Variants in NLGN1 observed in about 807,000 individuals in gnomAD.
The protein encoded by NLGN1 is neuroligin-1.
Under a neutral mutation model 65.5 loss-of-function variants are expected in NLGN1, and 12 were observed. The observed-to-expected ratio is 0.18, with a 90% CI of 0.12 to 0.30. The LOEUF (loss-of-function observed/expected upper bound fraction) is 0.30. NLGN1 is among the 10% of genes least tolerant of loss of function. The pLI is 1.00. For synonymous variants in NLGN1, 350 were observed against 359.5 expected (o/e 0.97, Z 0.30); for missense variants, 750 against 1,007.1 (o/e 0.74, Z 3.46).
intron 3 of NLGN1, chr3:173,800,342 T>G (rs1309878552): frequency 8.2e-7 from 1 of 1,212,780 alleles, no homozygotes; most frequent in Non-Finnish European, 1.1e-6. Context: ...ATGACGGTGC[T>G]GAAGATGAAG....
At chr3:173,776,813 A>G (rs750914915) in intron 3 of NLGN1, among the ~76,000 whole-genome samples, 4 of 151,986 alleles carry the variant, frequency 2.6e-5, no homozygotes, top group Non-Finnish European at 5.9e-5. Context: ...CTGACTAAAA[A>G]ATAATCCTTA....
intron 4 of NLGN1, among the ~76,000 whole-genome samples, chr3:174,091,055 C>T (rs1314197285): frequency 6.6e-6 from 1 of 152,138 alleles, no homozygotes; most frequent in African/African-American, 2.4e-5. Flanking sequence ...AGCCAGGAGG[C>T]AGGATTTCTC....
At chr3:173,787,499 A>G (rs1357503729) in intron 3 of NLGN1, among the ~76,000 whole-genome samples, 3 of 152,220 alleles carry the variant, frequency 2.0e-5, no homozygotes, top group Non-Finnish European at 2.9e-5. Context: ...AGTTAATATT[A>G]GTATTAAATA....
intron 3 of NLGN1, chr3:173,695,632 C>G (rs1766102456): frequency 7.7e-6 from 2 of 258,544 alleles, no homozygotes; most frequent in Admixed American, 4.7e-5. Context: ...ACATCTTATA[C>G]TTTAAAAATC....
rs559261660 is a variant in NLGN1, at chr3:173,777,911, G to A, written c.494-29769G>A. 1.3e-4 allele frequency among the ~76,000 whole-genome samples: 20 copies of A among 151,850 alleles called. No homozygotes were observed. In the South Asian group the frequency reaches 3.9e-3, roughly 30 times the overall value. The stretch of plus-strand genomic sequence containing the variant: ...TCTATTCCATTCATTAAAAAATCTA[G>A]CATGTTTATAACTGATAATGATAAT... On this transcript the variant is annotated intron_variant, in intron 3 of 6. Transcript: ENST00000457714.
intron 2 of NLGN1, among the ~76,000 whole-genome samples, chr3:173,500,448 G>T (rs1730878353): frequency 6.6e-6 from 1 of 152,106 alleles, no homozygotes; most frequent in Non-Finnish European, 1.5e-5. Flanking sequence ...GCTGGATTCG[G>T]TTTGCCAGTC....
chr3:174,152,142 T>C (rs1219376187), intron 4 of NLGN1, among the ~76,000 whole-genome samples: 1 of 136,928 alleles, frequency 7.3e-6, no homozygotes, highest in African/African-American at 3.1e-5. Flanking sequence ...ATAAAAATCA[T>C]TAACTAAAAC....
exon 7 of NLGN1, chr3:174,284,446 TAAA>T (rs1448468371): frequency 6.6e-6 from 1 of 151,444 alleles, no homozygotes; most frequent in Non-Finnish European, 1.5e-5. Context: ...GTAACAAAAT[TAAA>T]ATAATATTTT....
intron 3 of NLGN1, among the ~76,000 whole-genome samples, chr3:173,782,264 T>C (rs1348410190): frequency 9.2e-5 from 14 of 152,126 alleles, no homozygotes; most frequent in Non-Finnish European, 2.1e-4. Context: ...ACAACATTCC[T>C]GACAGGCACA....
intron 4 of NLGN1, among the ~76,000 whole-genome samples, chr3:173,870,468 A>G (rs1048569208): frequency 2.6e-5 from 4 of 152,188 alleles, no homozygotes; most frequent in African/African-American, 9.7e-5. Context: ...GTTTTAGATA[A>G]CAAATTTATC....
intron 4 of NLGN1, among the ~76,000 whole-genome samples, chr3:173,852,355 CAAAAAAAAAAAAAAAAAAAAA>C (rs71162367): frequency 6.4e-5 from 3 of 46,650 alleles, no homozygotes; most frequent in South Asian, 1.9e-3. Context: ...GACTCCGTCT[CAAAAAAAAAAAAAAAAAAAAA>C]AAAAAAAAAA....
intron 4 of NLGN1, among the ~76,000 whole-genome samples, chr3:173,953,008 A>T (rs562431054): frequency 6.4e-4 from 98 of 152,126 alleles, no homozygotes; most frequent in African/African-American, 2.2e-3. Context: ...TGAACTCCTG[A>T]CCTCAAGTGA....
At chr3:173,977,959 G>C (rs975771386) in intron 4 of NLGN1, among the ~76,000 whole-genome samples, 1 of 151,998 alleles carries the variant, frequency 6.6e-6, no homozygotes, top group African/African-American at 2.4e-5. Context: ...TTTGTGGCTT[G>C]AGGGTAATGA....
chr3:173,463,588 C>T (rs1287238267), intron 2 of NLGN1, among the ~76,000 whole-genome samples: 1 of 152,170 alleles, frequency 6.6e-6, no homozygotes, highest in Non-Finnish European at 1.5e-5. Context: ...TGGCTCACTT[C>T]TTCCAAGAAG....
At chr3:173,905,627 G>A (rs1738229332) in intron 4 of NLGN1, among the ~76,000 whole-genome samples, 1 of 152,158 alleles carries the variant, frequency 6.6e-6, no homozygotes, top group Admixed American at 6.5e-5. Flanking sequence ...ACCTGCCAGG[G>A]ACAATGGATG....
At chr3:173,640,698 A>G (rs768696461) in intron 3 of NLGN1, among the ~76,000 whole-genome samples, 34 of 152,098 alleles carry the variant, frequency 2.2e-4, no homozygotes, top group South Asian at 4.1e-4. Flanking sequence ...TGAACCGTCC[A>G]TTTACTATGT....
chr3:173,696,358 GA>G (rs1766222495), intron 3 of NLGN1, among the ~76,000 whole-genome samples: 1 of 152,048 alleles, frequency 6.6e-6, no homozygotes, highest in Non-Finnish European at 1.5e-5. Context: ...AGCATAGTGG[GA>G]AAATGGCTAT....
chr3:173,569,924 T>C (rs745544273), intron 2 of NLGN1, among the ~76,000 whole-genome samples: 10 of 152,242 alleles, frequency 6.6e-5, no homozygotes, highest in Non-Finnish European at 1.2e-4. Flanking sequence ...CATGCATTTC[T>C]TCTTCTACAA....
At chr3:174,123,341 G>A (rs1718178792) in intron 4 of NLGN1, among the ~76,000 whole-genome samples, 2 of 152,096 alleles carry the variant, frequency 1.3e-5, no homozygotes, top group South Asian at 4.1e-4. Context: ...ATCGTCTGTG[G>A]TTGTCAAAGA....
Sources: gnomAD v4.1 joint callset for allele counts (sites outside exome capture counted in the v4.1 genomes callset) on GRCh38, gnomAD v4.1.1 for gene constraint, MANE v1.5 for transcripts, NCBI Gene and HGNC (gene_info 2026-07-23, HGNC 2026-07-21) for gene names.